RANBP9: variants seen among roughly 807,000 people sequenced by gnomAD.
RANBP9 encodes the protein ran-binding protein 9.
Under a neutral mutation model 84.3 loss-of-function variants are expected in RANBP9, and 15 were observed. That is an observed-to-expected ratio of 0.18 (90% CI 0.12 to 0.27). The LOEUF (loss-of-function observed/expected upper bound fraction) is 0.27. Ranked by LOEUF, RANBP9 falls within the 10% of genes least tolerant of loss-of-function variation. The probability of loss-of-function intolerance (pLI) is 1.00; values close to 1 mark genes in which losing one functional copy is unlikely to be tolerated. For missense variants in RANBP9, 809 were observed against 912.8 expected, an observed-to-expected ratio of 0.89 and a Z score of 1.46; for synonymous variants, 392 against 349.6, an observed-to-expected ratio of 1.12 and a Z score of -1.35.
At position 13,706,252 on chromosome 6, in the gene RANBP9, G is replaced by A. The variant is rs573738105; in HGVS notation, c.571+4683C>T. Among the ~76,000 whole-genome samples the A allele has an allele frequency of 2.6e-5, 4 of 152,258 alleles. No individual in the cohort carries two copies. The South Asian group carries it at 8.3e-4, about 32-fold the overall frequency. On this transcript the variant is annotated intron_variant, in intron 1 of 13. Coordinates refer to ENST00000011619, the MANE Select transcript of RANBP9 (RefSeq NM_005493.3). ...CCAGCTACTTGGAAGGCTGAGGCAG[G>A]AAAATGGCGTGAACGCGGGAGGCGG...
At position 13,669,168 on chromosome 6, in the gene RANBP9, CAAAAG is replaced by C. The variant is rs1239988100; in HGVS notation, c.684-10341_684-10337del. On this transcript the variant is annotated intron_variant, in intron 2 of 13. Transcript: ENST00000011619. ...AAAGAATACTTAGGAATAAATATAA[CAAAAG>C]AAGTGTGAAATCTGAACACTAAAAA... Among the ~76,000 whole-genome samples the C allele has an allele frequency of 2.6e-5, 4 of 151,304 alleles. No individual in the cohort carries two copies. In the East Asian group the frequency reaches 7.8e-4, roughly 30 times the overall value.
chr6:13,655,724 G>C (rs904653035), intron 4 of RANBP9, among the ~76,000 whole-genome samples: 1 of 152,092 alleles, frequency 6.6e-6, no homozygotes, highest in Non-Finnish European at 1.5e-5. Flanking sequence ...TTTTCAAAAT[G>C]TATTTTTTGG....
intron 1 of RANBP9, among the ~76,000 whole-genome samples, chr6:13,701,497 G>C (rs1329950038): frequency 6.6e-6 from 1 of 152,170 alleles, no homozygotes; most frequent in Non-Finnish European, 1.5e-5. Flanking sequence ...GGCCAGCTGG[G>C]TGCGGTGGCT....
intron 11 of RANBP9, among the ~76,000 whole-genome samples, chr6:13,633,137 C>G (rs956068588): frequency 2.0e-5 from 3 of 152,078 alleles, no homozygotes; most frequent in South Asian, 4.1e-4. Context: ...CAGGTTCAAG[C>G]AATTCTCCTG....
intron 2 of RANBP9, among the ~76,000 whole-genome samples, chr6:13,689,981 A>G (rs1166648792): frequency 2.6e-5 from 4 of 152,236 alleles, no homozygotes; most frequent in African/African-American, 9.6e-5. Context: ...CCAGGTATGT[A>G]GTAGGTACAG....
chr6:13,625,760 G>A lies in RANBP9; in HGVS notation c.1952C>T (p.Ala651Val), dbSNP rs754512695. The change falls in exon 13 of 14, where the codon GCA (alanine) becomes GTA (valine). Residue 651 changes from alanine (A) to valine (V), a missense_variant. Around this residue, in one of 5 missense-constraint regions of RANBP9, gnomAD observed 233 missense variants for 234.4 expected, o/e 0.99. Transcript: ENST00000011619. The stretch of plus-strand genomic sequence containing the variant: ...ATCTGAATATGCTAGTAGACTGAAT[G>A]CATCCTGTTGAAAACACATCGATTT... ...NTANKKMLKD[A>V]FSLLAYSDPW... The A allele has an allele frequency of 1.3e-6, 2 of 1,590,994 alleles. No homozygotes were observed. Among genetic ancestry groups the A allele is most frequent in the Non-Finnish European group, 1.7e-6 (2 of 1,159,160 alleles).
intron 11 of RANBP9, 21 bp downstream of exon 11, chr6:13,634,410 G>A (rs761148385): frequency 2.5e-6 from 4 of 1,604,062 alleles, no homozygotes; most frequent in Non-Finnish European, 3.4e-6. Flanking sequence ...TATTAAAAAT[G>A]TAAGAAATAT....
intron 11 of RANBP9, among the ~76,000 whole-genome samples, chr6:13,633,503 G>A (rs538146004): frequency 3.0e-4 from 45 of 152,262 alleles, no homozygotes; most frequent in African/African-American, 8.9e-4. Flanking sequence ...TTATGAGGTC[G>A]TTATTATACC....
At chr6:13,689,098 A>G (rs1766265295) in intron 2 of RANBP9, among the ~76,000 whole-genome samples, 1 of 151,680 alleles carries the variant, frequency 6.6e-6, no homozygotes, top group South Asian at 2.1e-4. Flanking sequence ...TCAAGGCTAC[A>G]GAGAGCCTTG....
rs752686121 is a variant in RANBP9 at position 13,637,776 on chromosome 6, A to G, written c.1673+32T>C. Reference sequence around the variant, plus strand: ...GATTACACCTATAACTAGGTTGCTTATATTAGTGCAAAAGTCAGTGAAATT... The same window carrying G: ...GATTACACCTATAACTAGGTTGCTTGTATTAGTGCAAAAGTCAGTGAAATT... On this transcript the variant is annotated intron_variant, in intron 10 of 13. Coordinates refer to ENST00000011619, the MANE Select transcript of RANBP9 (RefSeq NM_005493.3). 9 of 1,530,878 alleles carry G rather than the reference A, an allele frequency of 5.9e-6. No individual in the cohort carries two copies. In the Admixed American group the frequency reaches 1.5e-4, roughly 25 times the overall value. The allele number at this position is 1,530,878 out of a possible 1,614,324, so 94.8% of individuals were successfully genotyped here. A position where few individuals can be genotyped will look rare whatever the true frequency, so the allele number is the denominator to read the frequency against.
chr6:13,663,412 C>CA, intron 2 of RANBP9, among the ~76,000 whole-genome samples: 1 of 152,100 alleles, frequency 6.6e-6, no homozygotes. Flanking sequence ...CAAACCTACA[C>CA]TTAAAAAAAT....
rs1171720999 is a variant in RANBP9, at chr6:13,664,283, G to A, written c.684-5451C>T. Reference sequence around the variant, plus strand: ...ACAGCATCAGAAAACATAAAACATCGAACAAAAGCCATGCAGCCCTCTCTA... The same window carrying A: ...ACAGCATCAGAAAACATAAAACATCAAACAAAAGCCATGCAGCCCTCTCTA... On this transcript the variant is annotated intron_variant, in intron 2 of 13. Transcript: ENST00000011619. 2.6e-5 allele frequency among the ~76,000 whole-genome samples: 4 copies of A among 152,030 alleles called. No individual in the cohort carries two copies. In the South Asian group the frequency reaches 6.2e-4, roughly 24 times the overall value.
At position 13,629,956 on chromosome 6, in the gene RANBP9, TTC is replaced by T. The variant is rs139435726; in HGVS notation, c.1947+2412_1947+2413del. ...TGTGTGTGTGTGTATTTGCATGAAC[TTC>T]TGAGTCACATGACTCAAAGTTTATG... On this transcript the variant is annotated intron_variant, in intron 12 of 13. Transcript: ENST00000011619. Among the ~76,000 whole-genome samples, 910 of 151,048 alleles carry T rather than the reference TTC, an allele frequency of 6.0e-3. 4 individuals are homozygous for T. The highest frequency in any genetic ancestry group is 0.021 in the African/African-American group (844 of 41,110).
rs192574286 is a variant in RANBP9 at position 13,680,756 on chromosome 6, G to A, written c.683+16029C>T. On this transcript the variant is annotated intron_variant, in intron 2 of 13. Transcript: ENST00000011619. ...GGGCAACTAAGTGAGAGTCTGTCTC[G>A]GAAAAAAAAAAAAAAGAAAGAAAGA... Among the ~76,000 whole-genome samples, 1,097 of 146,318 alleles carry A rather than the reference G, an allele frequency of 7.5e-3. 21 individuals are homozygous for A. The highest frequency in any genetic ancestry group is 0.025 in the Middle Eastern group (7 of 284).
rs527893748 is a variant in RANBP9, at chr6:13,621,633, G to T, written c.*729C>A. Reference sequence around the variant, plus strand: ...ACACGGTAAATTGACTAAATATTTGGTTTTTATATAAATAAAGGTCATAAC... The same window carrying T: ...ACACGGTAAATTGACTAAATATTTGTTTTTTATATAAATAAAGGTCATAAC... On this transcript the variant is annotated 3_prime_UTR_variant, in exon 14 of 14. Coordinates refer to ENST00000011619, the MANE Select transcript of RANBP9 (RefSeq NM_005493.3). The T allele has an allele frequency of 6.5e-6, 1 of 152,678 alleles. No homozygotes were observed. The highest frequency in any genetic ancestry group is 2.4e-5 in the African/African-American group (1 of 41,538). 9.5% of individuals were successfully genotyped at this position (152,678 alleles called of 1,614,324 possible).
chr6:13,658,849 G>C lies in RANBP9; in HGVS notation c.684-17C>G, dbSNP rs1321819094. 6.4e-7 allele frequency: 1 copy of C among 1,551,090 alleles called. No homozygotes were observed. Among genetic ancestry groups the C allele is most frequent in the East Asian group, 2.2e-5 (1 of 44,560 alleles). ...CCCATGTAACTGTTGGCGGAGGTTG[G>C]GGGAGAGAAGAAAAGGACATTATTA... On this transcript the variant is annotated splice_polypyrimidine_tract_variant and intron_variant, in intron 2 of 13. Coordinates refer to ENST00000011619, the MANE Select transcript of RANBP9 (RefSeq NM_005493.3).
At chr6:13,656,056 C>G (rs1272178541) in intron 4 of RANBP9, among the ~76,000 whole-genome samples, 1 of 151,958 alleles carries the variant, frequency 6.6e-6, no homozygotes, top group Non-Finnish European at 1.5e-5. Flanking sequence ...AAATGCTAAG[C>G]TGAATATGAA....
At chr6:13,700,269 T>A (rs1026309032) in intron 1 of RANBP9, among the ~76,000 whole-genome samples, 1 of 152,226 alleles carries the variant, frequency 6.6e-6, no homozygotes, top group African/African-American at 2.4e-5. Flanking sequence ...TCAGCCGTCC[T>A]TCTATCAGTA....
intron 2 of RANBP9, among the ~76,000 whole-genome samples, chr6:13,689,597 C>A (rs1348617456): frequency 6.6e-6 from 1 of 152,078 alleles, no homozygotes; most frequent in Admixed American, 6.6e-5. Flanking sequence ...ATAACTCTTC[C>A]TTATAATCCA....
Sources: allele counts gnomAD v4.1 joint callset (sites outside exome capture counted in the v4.1 genomes callset), GRCh38; gene constraint gnomAD v4.1.1; regional missense constraint gnomAD v4.1.1; transcripts MANE v1.5; gene names NCBI Gene and HGNC (gene_info 2026-07-23, HGNC 2026-07-21).